Variants in MICU3 observed in about 807,000 individuals in gnomAD.
MICU3 encodes the protein calcium uptake protein 3, mitochondrial.
Under a neutral mutation model 66.5 loss-of-function variants are expected in MICU3, and 62 were observed. That is an observed-to-expected ratio of 0.93 (90% confidence interval 0.76 to 1.15). The LOEUF (loss-of-function observed/expected upper bound fraction) is 1.15. Among genes scored for constraint, MICU3 ranks in the 50% most tolerant of loss-of-function variants. MICU3 has a pLI of 0.00. For synonymous variants in MICU3, 308 were observed against 240.7 expected, an observed-to-expected ratio of 1.28 and a Z score of -2.59; for missense variants, 779 against 664.4, an observed-to-expected ratio of 1.17 and a Z score of -1.90.
At chr8:17,089,950 G>C (rs998364743) in intron 7 of MICU3, among the ~76,000 whole-genome samples, 13 of 152,024 alleles carry the variant, frequency 8.6e-5, no homozygotes, top group African/African-American at 3.1e-4. Context: ...TGATTCAGAA[G>C]GGAAAAGGGA....
chr8:17,047,005 T>A (rs1563288372), intron 1 of MICU3, among the ~76,000 whole-genome samples: 1 of 152,132 alleles, frequency 6.6e-6, no homozygotes, highest in Admixed American at 6.5e-5. Flanking sequence ...AAAATCTAGA[T>A]GAGAATGAGC....
Position 17,027,269 on chromosome 8 carries a change from C to A in MICU3, c.-11C>A, listed in dbSNP as rs753795183. 4 of 1,163,490 alleles carry A rather than the reference C, an allele frequency of 3.4e-6. No homozygotes were observed. Among genetic ancestry groups the A allele is most frequent in the Middle Eastern group, 3.0e-4 (1 of 3,322 alleles). 72.1% of individuals were successfully genotyped at this position (1,163,490 alleles called of 1,614,324 possible). A position where few individuals can be genotyped will look rare whatever the true frequency, so the allele number is the denominator to read the frequency against. On this transcript the variant is annotated 5_prime_UTR_variant, in exon 1 of 15. Transcript: ENST00000318063. ...TGCCCCCTCCCAGCTCTGGTGTGGGCGGCCTCCGCTATGGCTGCGCTGCGA... is the reference window on the plus strand; with the variant it reads ...TGCCCCCTCCCAGCTCTGGTGTGGGAGGCCTCCGCTATGGCTGCGCTGCGA...
rs1157094194 is a variant in MICU3, at chr8:17,120,721, T to C, written c.*434T>C. Reference sequence around the variant, plus strand: ...TCTTTGATTTTGGACTGTGAACTTATTTTCAGAGATGAATATTGCTTGAGA... The same window carrying C: ...TCTTTGATTTTGGACTGTGAACTTACTTTCAGAGATGAATATTGCTTGAGA... On this transcript the variant is annotated 3_prime_UTR_variant, in exon 15 of 15. Transcript: ENST00000318063. 6.6e-6 allele frequency: 1 copy of C among 152,486 alleles called. No individual in the cohort carries two copies. The highest frequency in any genetic ancestry group is 6.6e-5 in the Admixed American group (1 of 15,262). The allele number at this position is 152,486 out of a possible 1,614,324, so 9.4% of individuals were successfully genotyped here.
chr8:17,028,752 A>T (rs57869844), intron 1 of MICU3, among the ~76,000 whole-genome samples: 22,812 of 152,042 alleles, frequency 0.15, 2,246 homozygotes, highest in East Asian at 0.38. Flanking sequence ...ACACATGAAT[A>T]TTCAAAATAC....
chr8:17,105,796 C>A (rs577641546), intron 11 of MICU3, among the ~76,000 whole-genome samples: 1 of 152,038 alleles, frequency 6.6e-6, no homozygotes, highest in Admixed American at 6.5e-5. Context: ...TTAGGTATTT[C>A]AAAACTCCTT....
chr8:17,031,262 T>TTTA (rs60712856), intron 1 of MICU3, among the ~76,000 whole-genome samples: 41,588 of 138,866 alleles, frequency 0.3, 6,212 homozygotes, highest in East Asian at 0.36. Context: ...TGCCACTTCA[T>TTTA]TTATTATTAT....
intron 14 of MICU3, among the ~76,000 whole-genome samples, chr8:17,119,590 A>C (rs533620879): frequency 1.4e-5 from 2 of 142,900 alleles, no homozygotes; most frequent in Non-Finnish European, 3.0e-5. Flanking sequence ...TGTTTCCCAA[A>C]GTGGTTCCTC....
intron 11 of MICU3, among the ~76,000 whole-genome samples, chr8:17,107,760 C>G (rs776540566): frequency 1.3e-5 from 2 of 152,142 alleles, no homozygotes; most frequent in African/African-American, 4.8e-5. Flanking sequence ...GTTTGTGAAC[C>G]TTGCTTTAGC....
At chr8:17,031,165 C>G (rs1056130347) in intron 1 of MICU3, among the ~76,000 whole-genome samples, 9 of 151,782 alleles carry the variant, frequency 5.9e-5, no homozygotes, top group Admixed American at 4.6e-4. Context: ...CTGCCGTGGG[C>G]TATTATTGCA....
rs573720645 is a variant in MICU3, at chr8:17,055,752, T to C, written c.382-8332T>C. 6.0e-4 allele frequency among the ~76,000 whole-genome samples: 92 copies of C among 152,328 alleles called. 1 individual carries two copies. In the Middle Eastern group the frequency reaches 0.014, roughly 23 times the overall value. On this transcript the variant is annotated intron_variant, in intron 1 of 14. Coordinates refer to ENST00000318063, the MANE Select transcript of MICU3 (RefSeq NM_181723.3). The stretch of plus-strand genomic sequence containing the variant: ...TTGATCCCACTCCCAGCCCCTGTCC[T>C]AGTACGTTCTCTTGGGGCTCTTATG...
chr8:17,085,588 A>AT (rs370800106), intron 6 of MICU3, among the ~76,000 whole-genome samples: 1 of 152,204 alleles, frequency 6.6e-6, no homozygotes, highest in African/African-American at 2.4e-5. Context: ...TTGGGTGGAT[A>AT]ACAGGCAGTC....
chr8:17,071,072 T>C (rs1382837269), intron 3 of MICU3, among the ~76,000 whole-genome samples: 2 of 152,160 alleles, frequency 1.3e-5, no homozygotes, highest in Admixed American at 1.3e-4. Context: ...TTTAATGTTT[T>C]TGGACTGCAG....
chr8:17,092,932 G>A (rs772929626), intron 8 of MICU3, among the ~76,000 whole-genome samples: 14 of 152,020 alleles, frequency 9.2e-5, no homozygotes, highest in Non-Finnish European at 1.5e-4. Flanking sequence ...TCTACCTTTA[G>A]GAAGAAGTTT....
chr8:17,048,310 T>C (rs72607364), intron 1 of MICU3, among the ~76,000 whole-genome samples: 16,315 of 112,910 alleles, frequency 0.14, 990 homozygotes, highest in East Asian at 0.42. Context: ...TACAAATTAA[T>C]AAGAAAAAGA....
At chr8:17,138,071 G>T in the MICU3 span, among the ~76,000 whole-genome samples, 11 of 151,990 alleles carry the variant, frequency 7.2e-5, no homozygotes, top group African/African-American at 2.7e-4. Flanking sequence ...GAATTATAAT[G>T]GAGGAAGGAA....
intron 1 of MICU3, among the ~76,000 whole-genome samples, chr8:17,063,804 G>C (rs1325196848): frequency 6.6e-6 from 1 of 151,990 alleles, no homozygotes; most frequent in Non-Finnish European, 1.5e-5. Flanking sequence ...TAAGACTGAA[G>C]CTTAAGAAAT....
At chr8:17,035,033 C>T (rs993131917) in intron 1 of MICU3, among the ~76,000 whole-genome samples, 16 of 152,150 alleles carry the variant, frequency 1.1e-4, no homozygotes, top group African/African-American at 3.6e-4. Flanking sequence ...CCCACGCTGT[C>T]ATCATGATAG....
intron 8 of MICU3, among the ~76,000 whole-genome samples, chr8:17,098,212 A>C (rs1800923399): frequency 6.6e-6 from 1 of 151,780 alleles, no homozygotes; most frequent in African/African-American, 2.4e-5. Context: ...GGAGAATTTG[A>C]TTCTTTTCGA....
At position 17,040,513 on chromosome 8, in the gene MICU3, C is replaced by T. The variant is rs147607827; in HGVS notation, c.381+12853C>T. On this transcript the variant is annotated intron_variant, in intron 1 of 14. Transcript: ENST00000318063. The stretch of plus-strand genomic sequence containing the variant: ...ATAGATGTCTGTTACCTTGTATTAC[C>T]TGTAAGCATTAATGATTGGATACTG... Among the ~76,000 whole-genome samples, 28 of 152,246 alleles carry T rather than the reference C, an allele frequency of 1.8e-4. No homozygotes were observed. The East Asian group carries it at 5.0e-3, about 27-fold the overall frequency.
Sources: gnomAD v4.1 joint callset for allele counts (sites outside exome capture counted in the v4.1 genomes callset) on GRCh38, gnomAD v4.1.1 for gene constraint, MANE v1.5 for transcripts, NCBI Gene and HGNC (gene_info 2026-07-23, HGNC 2026-07-21) for gene names.